Variants in PGAM1 observed in about 807,000 individuals in gnomAD.
PGAM1 encodes the protein BPG-dependent PGAM 1.
PGAM1 carries 21 observed loss-of-function variants against 23.5 expected under a neutral mutation model. That is an observed-to-expected ratio of 0.89 (90% CI 0.63 to 1.29). PGAM1 has a LOEUF of 1.29. Among genes scored for constraint, PGAM1 ranks in the 50% most tolerant of loss-of-function variants. The pLI is 0.00. For missense variants in PGAM1, 232 were observed against 336.3 expected (o/e 0.69, Z 2.42); for synonymous variants, 109 against 128.6 (o/e 0.85, Z 1.03).
In PGAM1 at chr10:97,428,000, C is replaced by T; in HGVS notation, c.139+1554C>T. 6.0e-6 allele frequency: 7 copies of T among 1,162,980 alleles called. No homozygotes were observed. The Admixed American group carries it at 7.0e-5, about 12-fold the overall frequency. The allele number at this position is 1,162,980 out of a possible 1,614,324, so 72.0% of individuals were successfully genotyped here. ...TTGAGATGGCCTGGTGTGACCTCAT[C>T]TTTTAGGAGAGGCTGGGAAATGGAA... On this transcript the variant is annotated intron_variant, in intron 1 of 3. Coordinates refer to ENST00000334828, the MANE Select transcript of PGAM1 (RefSeq NM_002629.4).
chr10:97,427,870 T>C (rs1845429173), intron 1 of PGAM1: 1 of 1,289,386 alleles, frequency 7.8e-7, no homozygotes, highest in South Asian at 1.2e-5. Context: ...ATTGCTCTCC[T>C]AGCTTCTTGC....
chr10:97,429,305 C>T (rs1329187882), intron 1 of PGAM1, among the ~76,000 whole-genome samples: 4 of 152,072 alleles, frequency 2.6e-5, no homozygotes, highest in African/African-American at 9.6e-5. Flanking sequence ...GGGGTTTCAC[C>T]ATGTTAGCCA....
chr10:97,431,204 G>C, intron 3 of PGAM1, 69 bp downstream of exon 3: 1 of 1,574,736 alleles, frequency 6.4e-7, no homozygotes, highest in Non-Finnish European at 8.7e-7. Context: ...CAGGGACTTG[G>C]TAAAAAGGAG....
chr10:97,426,226 G>A lies in PGAM1; in HGVS notation c.-82G>A. The A allele has an allele frequency of 6.3e-7, 1 of 1,598,278 alleles. No individual in the cohort carries two copies. Among genetic ancestry groups the A allele is most frequent in the Non-Finnish European group, 8.5e-7 (1 of 1,170,246 alleles). Reference sequence around the variant, plus strand: ...GCGGGAGCCGGACTGAGCGGTGCGAGCGCGCAGGCGCGGCCGACGGGGCGG... The same window carrying A: ...GCGGGAGCCGGACTGAGCGGTGCGAACGCGCAGGCGCGGCCGACGGGGCGG... On this transcript the variant is annotated 5_prime_UTR_variant, in exon 1 of 4. Coordinates refer to ENST00000334828, the MANE Select transcript of PGAM1 (RefSeq NM_002629.4).
chr10:97,432,666 T>A lies in PGAM1; in HGVS notation c.*142T>A, dbSNP rs1845484534. 1 of 1,082,672 alleles carries A rather than the reference T, an allele frequency of 9.2e-7. No individual in the cohort carries two copies. Among genetic ancestry groups the A allele is most frequent in the Admixed American group, 2.4e-5 (1 of 41,656 alleles). The allele number at this position is 1,082,672 out of a possible 1,614,324, so 67.1% of individuals were successfully genotyped here. On this transcript the variant is annotated 3_prime_UTR_variant, in exon 4 of 4. Coordinates refer to ENST00000334828, the MANE Select transcript of PGAM1 (RefSeq NM_002629.4). ...TGCAGACGGGGACCAGTGGCTCCCA[T>A]TTTCATTTTAGCCATTTTGTCGCCT...
Position 97,426,207 on chromosome 10 carries a change from G to C in PGAM1, c.-101G>C. The C allele has an allele frequency of 1.9e-6, 3 of 1,558,292 alleles. No individual in the cohort carries two copies. The South Asian group carries it at 3.4e-5, about 18-fold the overall frequency. Reference sequence around the variant, plus strand: ...GATTTGGGCGAGAACTTGCGCGGGAGCCGGACTGAGCGGTGCGAGCGCGCA... The same window carrying C: ...GATTTGGGCGAGAACTTGCGCGGGACCCGGACTGAGCGGTGCGAGCGCGCA... On this transcript the variant is annotated 5_prime_UTR_variant, in exon 1 of 4. Transcript: ENST00000334828.
chr10:97,428,241 T>C (rs748661913), intron 1 of PGAM1, among the ~76,000 whole-genome samples: 10 of 152,154 alleles, frequency 6.6e-5, no homozygotes, highest in Non-Finnish European at 2.9e-5. Flanking sequence ...GTATAGAAAA[T>C]TAAAAGATTT....
intron 1 of PGAM1, among the ~76,000 whole-genome samples, chr10:97,429,079 A>G (rs1027323144): frequency 7.9e-5 from 12 of 151,010 alleles, no homozygotes; most frequent in Admixed American, 5.3e-4. Context: ...AACAAAATCA[A>G]TAAGACTGAT....
chr10:97,428,606 T>C (rs937527766), intron 1 of PGAM1, among the ~76,000 whole-genome samples: 6 of 152,220 alleles, frequency 3.9e-5, no homozygotes, highest in Non-Finnish European at 8.8e-5. Flanking sequence ...CAAGTGGAAA[T>C]AATTGCAGTG....
chr10:97,427,757 C>T (rs1589455453), intron 1 of PGAM1: 1 of 1,283,330 alleles, frequency 7.8e-7, no homozygotes, highest in Non-Finnish European at 1.0e-6. Flanking sequence ...GAGGTGCTTC[C>T]GCTGATGATA....
At position 97,432,383 on chromosome 10, in the gene PGAM1, G is replaced by C. The variant is rs1177407792; in HGVS notation, c.624G>C (p.Leu208=). The change falls in exon 4 of 4, where the codon CTG becomes CTC. Residue 208 remains leucine, a synonymous_variant. Coordinates refer to ENST00000334828, the MANE Select transcript of PGAM1 (RefSeq NM_002629.4). ...TCTCTGAAGAGGCTATCATGGAGCTGAACCTGCCGACTGGTATTCCCATTG... is the reference window on the plus strand; with the variant it reads ...TCTCTGAAGAGGCTATCATGGAGCTCAACCTGCCGACTGGTATTCCCATTG... ...EGLSEEAIME[L]NLPTGIPIVY... is the part of the protein sequence containing the mutation. The C allele has an allele frequency of 5.6e-6, 9 of 1,612,076 alleles. No homozygotes were observed. In the South Asian group the frequency reaches 9.9e-5, roughly 18 times the overall value.
intron 1 of PGAM1, among the ~76,000 whole-genome samples, chr10:97,429,124 G>T (rs978430348): frequency 3.3e-5 from 4 of 119,590 alleles, no homozygotes; most frequent in Non-Finnish European, 4.9e-5. Flanking sequence ...TTTTGCGTGC[G>T]ACAGAGTCTC....
At chr10:97,429,389 C>T (rs1241845530) in intron 1 of PGAM1, among the ~76,000 whole-genome samples, 1 of 152,194 alleles carries the variant, frequency 6.6e-6, no homozygotes, top group African/African-American at 2.4e-5. Flanking sequence ...CAGACGTGAG[C>T]CACCGTGCCG....
At chr10:97,431,395 G>T (rs531799542) in intron 3 of PGAM1, among the ~76,000 whole-genome samples, 22 of 152,192 alleles carry the variant, frequency 1.4e-4, no homozygotes, top group African/African-American at 5.1e-4. Flanking sequence ...TTTCAGAATC[G>T]GCATCTATTC....
chr10:97,430,844 C>CA, intron 2 of PGAM1, 111 bp from the exon 3 acceptor site: 1 of 1,518,286 alleles, frequency 6.6e-7, no homozygotes, highest in Non-Finnish European at 9.1e-7. Context: ...TTTCCATAGT[C>CA]AGATTTTATA....
At chr10:97,431,622 T>G (rs1487570212) in intron 3 of PGAM1, among the ~76,000 whole-genome samples, 3 of 152,014 alleles carry the variant, frequency 2.0e-5, no homozygotes, top group Non-Finnish European at 4.4e-5. Flanking sequence ...CTACAAAATT[T>G]TAAAAGGCCA....
chr10:97,426,477 G>T (rs747072346), intron 1 of PGAM1, 31 bp downstream of exon 1: 2 of 1,546,196 alleles, frequency 1.3e-6, no homozygotes, highest in Admixed American at 4.1e-5. Context: ...GGCTGCGAAG[G>T]GCCGGGTGTC....
intron 2 of PGAM1, 109 bp from the exon 3 acceptor site, chr10:97,430,846 G>C: frequency 6.5e-7 from 1 of 1,528,996 alleles, no homozygotes; most frequent in Non-Finnish European, 9.0e-7. Context: ...TCCATAGTCA[G>C]ATTTTATAAA....
chr10:97,427,820 T>A (rs747987055), intron 1 of PGAM1: 2 of 1,289,428 alleles, frequency 1.6e-6, no homozygotes, highest in South Asian at 2.5e-5. Flanking sequence ...AAGCAGCCAT[T>A]CACAAGGGTC....
Sources: gnomAD v4.1 joint callset for allele counts (sites outside exome capture counted in the v4.1 genomes callset) on GRCh38, gnomAD v4.1.1 for gene constraint, MANE v1.5 for transcripts, NCBI Gene and HGNC (gene_info 2026-07-23, HGNC 2026-07-21) for gene names.